Variants in PCDHGA8 observed in about 807,000 individuals in gnomAD.
The protein encoded by PCDHGA8 is protocadherin gamma subfamily A, 8.
In PCDHGA8, 45 loss-of-function variants were observed where a neutral mutation model predicts 59.2. The ratio of observed to expected loss-of-function variants is 0.76; its 90% CI spans 0.60 to 0.98. The LOEUF (loss-of-function observed/expected upper bound fraction) is 0.98, where lower values mean the gene tolerates loss of function less well. PCDHGA8 is among the 50% of genes least tolerant of loss of function. The probability of loss-of-function intolerance (pLI) is 0.00; values close to 1 mark genes in which losing one functional copy is unlikely to be tolerated. For synonymous variants in PCDHGA8, 531 were observed against 519.0 expected, an observed-to-expected ratio of 1.02 and a Z score of -0.32; for missense variants, 1,257 against 1,196.2, an observed-to-expected ratio of 1.05 and a Z score of -0.75.
chr5:141,396,492 C>G (rs970666488), intron 1 of PCDHGA8: 1 of 151,944 alleles, frequency 6.6e-6, no homozygotes, highest in Non-Finnish European at 1.5e-5. Context: ...TGGTGGCATG[C>G]GCCTGTGGTC....
At position 141,399,438 on chromosome 5, in the gene PCDHGA8, T is replaced by G; in HGVS notation, c.2424+4201T>G. 3 of 1,613,996 alleles carry G rather than the reference T, an allele frequency of 1.9e-6. No individual in the cohort carries two copies. The South Asian group carries it at 3.3e-5, about 18-fold the overall frequency. On this transcript the variant is annotated intron_variant, in intron 1 of 3. Transcript: ENST00000398604. The stretch of plus-strand genomic sequence containing the variant: ...CCTCCAGCATAAGCGTCATCCTACA[T>G]ATCAGAGACGTCAACGATAACGCTC...
chr5:141,430,458 A>G, intron 1 of PCDHGA8: 1 of 204,230 alleles, frequency 4.9e-6, no homozygotes, highest in Non-Finnish European at 9.7e-6. Context: ...GAAGAACAGT[A>G]GGTGGAGCTA....
At position 141,392,896 on chromosome 5, in the gene PCDHGA8, G is replaced by A; in HGVS notation, c.83G>A (p.Arg28Lys). The change falls in exon 1 of 4, where the codon AGG (arginine) becomes AAG (lysine). Residue 28 changes from arginine (R) to lysine (K), a missense_variant. Physicochemically the swap from Arg to Lys is conservative, Grantham distance 26. Transcript: ENST00000398604. ...CTGGGAACGCTGTGGGAAATCGGGA[G>A]GGGACAGATTCGCTACTCTGTGCCA... ...ALLGTLWEIG[R>K]GQIRYSVPEE... 6.2e-7 allele frequency: 1 copy of A among 1,613,812 alleles called. No homozygotes were observed. The highest frequency in any genetic ancestry group is 8.5e-7 in the Non-Finnish European group (1 of 1,179,888).
chr5:141,491,747 G>C lies in PCDHGA8; in HGVS notation c.2425-3060G>C. 6.3e-7 allele frequency: 1 copy of C among 1,591,872 alleles called. No homozygotes were observed. The highest frequency in any genetic ancestry group is 8.5e-7 in the Non-Finnish European group (1 of 1,170,328). ...CGGGCGACCCCTGGGGGCGGCACTG[G>C]AGAAGCCGCCCGTCCTCATAAGGGA... On this transcript the variant is annotated intron_variant, in intron 1 of 3. Transcript: ENST00000398604. This position sits in a 1 kb window ranked among gnomAD's most constrained non-coding sequence, Gnocchi z 6.9.
At chr5:141,399,111 A>C (rs1561667842) in intron 1 of PCDHGA8, 1 of 1,613,732 alleles carries the variant, frequency 6.2e-7, no homozygotes, top group Non-Finnish European at 8.5e-7. Context: ...CACAATGTAC[A>C]GTTGAAATTA....
chr5:141,413,684 C>T, intron 1 of PCDHGA8: 1 of 1,613,838 alleles, frequency 6.2e-7, no homozygotes, highest in Non-Finnish European at 8.5e-7. Context: ...GGCGTGAACT[C>T]CCTGCAGAGC....
At chr5:141,426,015 T>G (rs1168777347) in intron 1 of PCDHGA8, among the ~76,000 whole-genome samples, 3 of 152,200 alleles carry the variant, frequency 2.0e-5, no homozygotes, top group African/African-American at 7.2e-5. Flanking sequence ...GGCTGCAGTT[T>G]TCTAAATAGA....
Position 141,490,711 on chromosome 5 carries a change from T to C in PCDHGA8, c.2425-4096T>C. ...CACTGGGGATAATGCCCGCCTCACC[T>C]ACTCCATTGTAGGAAATCAGGTTCA... On this transcript the variant is annotated intron_variant, in intron 1 of 3. Transcript: ENST00000398604. The surrounding 1 kb of genome is among the most constrained non-coding windows in gnomAD (Gnocchi z 5.4). The C allele has an allele frequency of 6.2e-7, 1 of 1,614,200 alleles. No individual in the cohort carries two copies. Among genetic ancestry groups the C allele is most frequent in the Non-Finnish European group, 8.5e-7 (1 of 1,180,002 alleles).
rs996353495 is a variant in PCDHGA8, at chr5:141,485,101, T to G, written c.2425-9706T>G. 12 of 1,158,090 alleles carry G rather than the reference T, an allele frequency of 1.0e-5. No individual in the cohort carries two copies. Among genetic ancestry groups the G allele is most frequent in the Non-Finnish European group, 1.4e-5 (11 of 786,830 alleles). The allele number at this position is 1,158,090 out of a possible 1,614,324, so 71.7% of individuals were successfully genotyped here. ...GGAAAGGGAGATAGGTGTCTCCAGC[T>G]GCTGTGGCTGTTTGGGGCGGGTCGG... On this transcript the variant is annotated intron_variant, in intron 1 of 3. Transcript: ENST00000398604. This position sits in a 1 kb window ranked among gnomAD's most constrained non-coding sequence, Gnocchi z 5.7.
At chr5:141,464,134 G>A (rs1270558696) in intron 1 of PCDHGA8, among the ~76,000 whole-genome samples, 1 of 151,944 alleles carries the variant, frequency 6.6e-6, no homozygotes, top group Admixed American at 6.6e-5. Context: ...GTGTGGTGGT[G>A]GGCGCCTGTA....
intron 1 of PCDHGA8, chr5:141,395,544 G>GTTTGTT (rs70988801): frequency 1.5e-3 from 17 of 11,560 alleles, no homozygotes; most frequent in African/African-American, 4.5e-3. Flanking sequence ...GCTATTGTTT[G>GTTTGTT]TGTGTGTGTG....
chr5:141,461,216 T>C (rs1050704259), intron 1 of PCDHGA8, among the ~76,000 whole-genome samples: 2 of 152,168 alleles, frequency 1.3e-5, no homozygotes, highest in African/African-American at 4.8e-5. Flanking sequence ...ATCTCCATAC[T>C]GTTTTCCATA....
At position 141,393,669 on chromosome 5, in the gene PCDHGA8, G is replaced by A; in HGVS notation, c.856G>A (p.Glu286Lys). The A allele has an allele frequency of 6.2e-7, 1 of 1,613,886 alleles. No homozygotes were observed. The highest frequency in any genetic ancestry group is 8.5e-7 in the Non-Finnish European group (1 of 1,179,912). Residue 286 changes from glutamate to lysine, a missense_variant, in exon 1 of 4, where the codon GAA becomes AAA. Physicochemically the swap from Glu to Lys is moderately conservative, Grantham distance 56. Coordinates refer to ENST00000398604, the MANE Select transcript of PCDHGA8 (RefSeq NM_032088.2). ...GGCATACAAATTCCGGAAAATTAAT[G>A]AAAAACAAACTCCGTTATTCCAGCT... ...KVAYKFRKIN[E>K]KQTPLFQLNE... is the part of the protein sequence containing the mutation.
At chr5:141,481,390 G>A (rs553179819) in intron 1 of PCDHGA8, among the ~76,000 whole-genome samples, 2 of 152,346 alleles carry the variant, frequency 1.3e-5, no homozygotes, top group East Asian at 3.9e-4. Context: ...TTGGAGGGAT[G>A]TGACAAAATT....
chr5:141,414,667 G>C, intron 1 of PCDHGA8: 1 of 1,614,002 alleles, frequency 6.2e-7, no homozygotes, highest in Non-Finnish European at 8.5e-7. Flanking sequence ...CCTGGCTGAA[G>C]ACACCATCCA....
At chr5:141,427,422 G>C (rs922637577) in intron 1 of PCDHGA8, 1 of 468,292 alleles carries the variant, frequency 2.1e-6, no homozygotes, top group Non-Finnish European at 4.3e-6. Context: ...AAATGGGGAG[G>C]TTACATGCCT....
intron 1 of PCDHGA8, chr5:141,479,313 G>C (rs926148640): frequency 2.0e-5 from 3 of 152,456 alleles, no homozygotes; most frequent in Non-Finnish European, 2.9e-5. Context: ...AAAACATAAA[G>C]TAGCCAGACT....
chr5:141,477,656 C>A lies in PCDHGA8; in HGVS notation c.2425-17151C>A. ...AGTGGGTCGCTATTTCACAATAAAT[C>A]GTGACAATGGCATAGTGTCATCCTT... On this transcript the variant is annotated intron_variant, in intron 1 of 3. Transcript: ENST00000398604. The surrounding 1 kb of genome is among the most constrained non-coding windows in gnomAD (Gnocchi z 4.9). 1 of 1,614,184 alleles carries A rather than the reference C, an allele frequency of 6.2e-7. No homozygotes were observed.
At chr5:141,457,524 G>A (rs1427291573) in intron 1 of PCDHGA8, among the ~76,000 whole-genome samples, 1 of 152,188 alleles carries the variant, frequency 6.6e-6, no homozygotes, top group African/African-American at 2.4e-5. Context: ...CAATTAATGA[G>A]ACTAGGGTTT....
Sources: gnomAD v4.1 joint callset for allele counts (sites outside exome capture counted in the v4.1 genomes callset) on GRCh38, gnomAD v4.1.1 for gene constraint, Gnocchi (gnomAD v3.1) non-coding constraint, MANE v1.5 for transcripts, NCBI Gene and HGNC (gene_info 2026-07-23, HGNC 2026-07-21) for gene names.